The following ANKRD12 variants were observed in gnomAD, a reference collection of about 807,000 sequenced individuals.
ANKRD12 encodes ankyrin repeat domain-containing protein 12.
In ANKRD12, 85 loss-of-function variants were observed where a neutral mutation model predicts 183.4. The ratio of observed to expected loss-of-function variants is 0.46; its 90% confidence interval spans 0.39 to 0.56. The LOEUF is 0.56. Ranked by LOEUF, ANKRD12 falls within the 20% of genes least tolerant of loss-of-function variation. The pLI is 0.00. For synonymous variants in ANKRD12, 914 were observed against 800.2 expected, an observed-to-expected ratio of 1.14 and a Z score of -2.40; for missense variants, 2,405 against 2,357.1, an observed-to-expected ratio of 1.02 and a Z score of -0.42.
rs190880186 is a variant in ANKRD12, at chr18:9,264,517, A to C, written c.5763+629A>C. Reference sequence around the variant, plus strand: ...ATATAACTTCTTTGGTTCATACATGATTGATTTTCCTGGCACAGGTTCTTA... The same window carrying C: ...ATATAACTTCTTTGGTTCATACATGCTTGATTTTCCTGGCACAGGTTCTTA... On this transcript the variant is annotated intron_variant, in intron 10 of 12. Transcript: ENST00000262126. Among the ~76,000 whole-genome samples the C allele has an allele frequency of 3.2e-4, 48 of 151,258 alleles. No individual in the cohort carries two copies. In the East Asian group the frequency reaches 3.7e-3, roughly 12 times the overall value.
intron 3 of ANKRD12, among the ~76,000 whole-genome samples, chr18:9,196,728 T>C (rs2034848651): frequency 6.6e-6 from 1 of 152,240 alleles, no homozygotes; most frequent in South Asian, 2.1e-4. Context: ...TTAAAAATTG[T>C]TCTTAAACAC....
At chr18:9,140,990 A>G (rs1310667751) in intron 1 of ANKRD12, among the ~76,000 whole-genome samples, 1 of 152,152 alleles carries the variant, frequency 6.6e-6, no homozygotes, top group African/African-American at 2.4e-5. Context: ...ACTAAATAAT[A>G]GATTTCATTA....
At position 9,257,877 on chromosome 18, in the gene ANKRD12, C is replaced by G. The variant is rs2038731753; in HGVS notation, c.4610C>G (p.Thr1537Ser). 2 of 1,613,480 alleles carry G rather than the reference C, an allele frequency of 1.2e-6. No individual in the cohort carries two copies. The highest frequency in any genetic ancestry group is 2.7e-5 in the African/African-American group (2 of 74,872). ...AVQIISSALD[T>S]DNESTKDTEN... ...CAGATTATTAGTTCTGCTTTAGATA[C>G]TGATAATGAATCTACAAAAGATACA... Residue 1537 changes from threonine (T) to serine (S), a missense_variant, in exon 9 of 13, where the codon ACT becomes AGT. Physicochemically the swap from Thr to Ser is moderately conservative, Grantham distance 58. Coordinates refer to ENST00000262126, the MANE Select transcript of ANKRD12 (RefSeq NM_015208.5).
At chr18:9,216,055 C>T (rs1230437293) in intron 6 of ANKRD12, among the ~76,000 whole-genome samples, 1 of 149,866 alleles carries the variant, frequency 6.7e-6, no homozygotes, top group Non-Finnish European at 1.5e-5. Context: ...TTGTATGATC[C>T]AGGCACTGAA....
At chr18:9,267,953 C>G (rs2039394007) in intron 10 of ANKRD12, among the ~76,000 whole-genome samples, 1 of 152,138 alleles carries the variant, frequency 6.6e-6, no homozygotes, top group South Asian at 2.1e-4. Context: ...ACCACCCATC[C>G]CACAGAAACA....
chr18:9,236,913 CAAT>C (rs754423176), intron 8 of ANKRD12, among the ~76,000 whole-genome samples: 1 of 152,044 alleles, frequency 6.6e-6, no homozygotes, highest in Non-Finnish European at 1.5e-5. Flanking sequence ...TTCAGATTTG[CAAT>C]ACTGGAAGAT....
Position 9,279,660 on chromosome 18 carries a change from AG to A in ANKRD12, c.6003+17del. On this transcript the variant is annotated intron_variant, in intron 12 of 12. Transcript: ENST00000262126. ...CAAATTAAAGGTATGTATGTTTGGA[AG>A]TCAGTTTAAATGAATGCTTCCCCCT... 1 of 1,494,236 alleles carries A rather than the reference AG, an allele frequency of 6.7e-7. No homozygotes were observed. Among genetic ancestry groups the A allele is most frequent in the Non-Finnish European group, 9.2e-7 (1 of 1,092,016 alleles). 92.6% of individuals were successfully genotyped at this position (1,494,236 alleles called of 1,614,324 possible). A position where few individuals can be genotyped will look rare whatever the true frequency, so the allele number is the denominator to read the frequency against.
At position 9,221,883 on chromosome 18, in the gene ANKRD12, A is replaced by G; in HGVS notation, c.827A>G (p.Asn276Ser). Residue 276 changes from asparagine to serine, a missense_variant, in exon 8 of 13, where the codon AAT becomes AGT. Physicochemically the swap from Asn to Ser is conservative, Grantham distance 46 (BLOSUM62 1). This residue lies in a region of ANKRD12 where 40 missense variants were observed against 54.2 expected (regional missense o/e 0.74). Coordinates refer to ENST00000262126, the MANE Select transcript of ANKRD12 (RefSeq NM_015208.5). ...IVKLLLRHGG[N>S]PFQANKHGER... Reference sequence around the variant, plus strand: ...AAGCTGTTACTTCGTCACGGTGGAAATCCATTTCAAGCTAATAAACATGGG... The same window carrying G: ...AAGCTGTTACTTCGTCACGGTGGAAGTCCATTTCAAGCTAATAAACATGGG... The G allele has an allele frequency of 6.2e-7, 1 of 1,614,004 alleles. No individual in the cohort carries two copies. Among genetic ancestry groups the G allele is most frequent in the Non-Finnish European group, 8.5e-7 (1 of 1,179,922 alleles).
chr18:9,269,031 GAGAA>G (rs1407385207), intron 10 of ANKRD12, among the ~76,000 whole-genome samples: 11 of 152,150 alleles, frequency 7.2e-5, no homozygotes, highest in Non-Finnish European at 1.0e-4. Flanking sequence ...TTGCTTCAAA[GAGAA>G]TAAAATACCT....
intron 1 of ANKRD12, among the ~76,000 whole-genome samples, chr18:9,173,067 ATTTT>A (rs35322750): frequency 8.2e-6 from 1 of 122,236 alleles, no homozygotes; most frequent in Non-Finnish European, 1.7e-5. Flanking sequence ...GAGGTTGCTG[ATTTT>A]TTTTTTTTTT....
At chr18:9,202,841 T>A (rs2035254854) in intron 3 of ANKRD12, among the ~76,000 whole-genome samples, 1 of 152,214 alleles carries the variant, frequency 6.6e-6, no homozygotes, top group Non-Finnish European at 1.5e-5. Flanking sequence ...ACTATTCAGA[T>A]GCCCCCAATA....
In ANKRD12 at chr18:9,216,843, A is replaced by C; in HGVS notation, c.738A>C (p.Thr246=). 1.2e-6 allele frequency: 2 copies of C among 1,613,654 alleles called. No homozygotes were observed. Among genetic ancestry groups the C allele is most frequent in the East Asian group, 2.2e-5 (1 of 44,856 alleles). Residue 246 remains threonine (T), a synonymous_variant, in exon 7 of 13, where the codon ACA becomes ACC. Transcript: ENST00000262126. ...ILIAAGADVN[T]QGLDDDTPLH... ...TAGCAGCTGGAGCAGATGTTAACAC[A>C]CAAGGATTAGATGATGACACTCCAC... is the stretch of plus-strand genomic sequence containing the variant.
chr18:9,146,314 G>C (rs1469463507), intron 1 of ANKRD12, among the ~76,000 whole-genome samples: 1 of 152,032 alleles, frequency 6.6e-6, no homozygotes, highest in Admixed American at 6.6e-5. Flanking sequence ...TGTAATTCCA[G>C]CTACTCCAGG....
At chr18:9,178,664 T>A (rs2144123482) in intron 1 of ANKRD12, among the ~76,000 whole-genome samples, 1 of 152,296 alleles carries the variant, frequency 6.6e-6, no homozygotes, top group Middle Eastern at 3.4e-3. Flanking sequence ...AAACAATTTG[T>A]CAGTTTCCAT....
At chr18:9,162,966 A>G (rs1278300861) in intron 1 of ANKRD12, among the ~76,000 whole-genome samples, 1 of 152,182 alleles carries the variant, frequency 6.6e-6, no homozygotes, top group Non-Finnish European at 1.5e-5. Flanking sequence ...CACAGATTGC[A>G]AAAATTTTCT....
chr18:9,137,370 G>A (rs1598361701), intron 1 of ANKRD12, among the ~76,000 whole-genome samples: 1 of 146,512 alleles, frequency 6.8e-6, no homozygotes, highest in Non-Finnish European at 1.5e-5. Context: ...CGCGGCTGGC[G>A]GGGCTGGGCT....
chr18:9,249,776 C>T (rs1028866680), intron 8 of ANKRD12: 1 of 152,156 alleles, frequency 6.6e-6, no homozygotes, highest in Non-Finnish European at 1.5e-5. Flanking sequence ...TGCTCCTCTC[C>T]CTGACCATTA....
intron 8 of ANKRD12, among the ~76,000 whole-genome samples, chr18:9,239,294 G>T (rs2037523310): frequency 6.6e-6 from 1 of 152,120 alleles, no homozygotes; most frequent in Admixed American, 6.5e-5. Context: ...GCTATGAAAA[G>T]CAGCTTTGTT....
chr18:9,222,389 C>T (rs1465353096), intron 8 of ANKRD12, among the ~76,000 whole-genome samples: 2 of 151,782 alleles, frequency 1.3e-5, no homozygotes, highest in African/African-American at 4.8e-5. Context: ...CTGGTGTTAA[C>T]GAGTCATCTC....
Sources: gnomAD v4.1 joint callset for allele counts (sites outside exome capture counted in the v4.1 genomes callset) on GRCh38, gnomAD v4.1.1 for gene constraint, gnomAD v4.1.1 regional missense constraint, MANE v1.5 for transcripts, NCBI Gene and HGNC (gene_info 2026-07-23, HGNC 2026-07-21) for gene names.